The following CAV1 variants were observed in gnomAD, a reference collection of about 807,000 sequenced individuals.
CAV1 encodes the protein caveolin-1.
A neutral mutation model predicts 16.5 loss-of-function variants in CAV1; 10 were observed. The observed-to-expected ratio is 0.61, with a 90% confidence interval of 0.37 to 1.03. The LOEUF (loss-of-function observed/expected upper bound fraction) is 1.03, where lower values mean the gene tolerates loss of function less well. Among genes scored for constraint, CAV1 ranks in the 50% least tolerant of loss-of-function variants. The probability of loss-of-function intolerance (pLI) is 0.01; values close to 1 mark genes in which losing one functional copy is unlikely to be tolerated. For missense variants in CAV1, 212 were observed against 232.8 expected, an observed-to-expected ratio of 0.91 and a Z score of 0.58; for synonymous variants, 76 against 85.1, an observed-to-expected ratio of 0.89 and a Z score of 0.59.
chr7:116,534,262 C>T (rs1167112652), intron 2 of CAV1, among the ~76,000 whole-genome samples: 1 of 147,636 alleles, frequency 6.8e-6, no homozygotes, highest in Non-Finnish European at 1.5e-5. Flanking sequence ...TTTTTAAAAC[C>T]CCATAGCCTC....
intron 2 of CAV1, among the ~76,000 whole-genome samples, chr7:116,542,475 C>T (rs1173319015): frequency 2.0e-5 from 3 of 152,134 alleles, no homozygotes; most frequent in African/African-American, 7.2e-5. Flanking sequence ...TTTAGACTCT[C>T]AGAATTTCTT....
intron 2 of CAV1, among the ~76,000 whole-genome samples, chr7:116,540,683 A>G (rs965897729): frequency 3.9e-5 from 6 of 152,242 alleles, no homozygotes; most frequent in Admixed American, 3.9e-4. Context: ...TGTGATGAAA[A>G]TAATAGCAAA....
At chr7:116,536,858 C>G (rs964616721) in intron 2 of CAV1, among the ~76,000 whole-genome samples, 5 of 151,550 alleles carry the variant, frequency 3.3e-5, no homozygotes, top group Non-Finnish European at 7.4e-5. Flanking sequence ...AAAAAATTAG[C>G]CGGGCGCGGT....
intron 2 of CAV1, among the ~76,000 whole-genome samples, chr7:116,547,470 T>G (rs1005125553): frequency 2.0e-5 from 3 of 152,276 alleles, no homozygotes; most frequent in Middle Eastern, 3.4e-3. Context: ...ATATGGAATG[T>G]TGGTGCAACT....
intron 1 of CAV1, chr7:116,525,485 T>G: frequency 3.9e-6 from 5 of 1,277,436 alleles, no homozygotes; most frequent in East Asian, 4.3e-5. Context: ...AGGTGTTATT[T>G]ACCCGAGTCC....
At chr7:116,530,089 T>C (rs899469368) in intron 2 of CAV1, among the ~76,000 whole-genome samples, 4 of 152,120 alleles carry the variant, frequency 2.6e-5, no homozygotes, top group African/African-American at 9.7e-5. Context: ...ATCCTAGCAA[T>C]CACAAAGATT....
At chr7:116,537,969 G>A (rs1163107688) in intron 2 of CAV1, among the ~76,000 whole-genome samples, 3 of 152,154 alleles carry the variant, frequency 2.0e-5, no homozygotes, top group Non-Finnish European at 4.4e-5. Flanking sequence ...AGGTAGAATC[G>A]CTTAAGTCTT....
At chr7:116,550,579 A>G (rs1476633840) in intron 2 of CAV1, among the ~76,000 whole-genome samples, 3 of 152,102 alleles carry the variant, frequency 2.0e-5, no homozygotes, top group South Asian at 4.1e-4. Flanking sequence ...GGTAACATTT[A>G]ATTGTGCTAT....
At chr7:116,536,266 A>G (rs1793811540) in intron 2 of CAV1, among the ~76,000 whole-genome samples, 1 of 151,764 alleles carries the variant, frequency 6.6e-6, no homozygotes, top group Non-Finnish European at 1.5e-5. Flanking sequence ...CTCATATCCC[A>G]GCTCCACAAC....
At chr7:116,532,492 A>G (rs1164081944) in intron 2 of CAV1, among the ~76,000 whole-genome samples, 2 of 152,198 alleles carry the variant, frequency 1.3e-5, no homozygotes, top group Non-Finnish European at 2.9e-5. Context: ...TGCTGTCTTT[A>G]TACAAAGATG....
intron 2 of CAV1, among the ~76,000 whole-genome samples, chr7:116,531,218 G>A (rs1231968726): frequency 6.6e-6 from 1 of 152,200 alleles, no homozygotes; most frequent in Non-Finnish European, 1.5e-5. Context: ...AAGATTATGT[G>A]ATTCACCATG....
chr7:116,549,282 C>G (rs1392043562), intron 2 of CAV1, among the ~76,000 whole-genome samples: 1 of 152,154 alleles, frequency 6.6e-6, no homozygotes, highest in African/African-American at 2.4e-5. Context: ...GTGTCCACCA[C>G]TTTGGGGCCA....
intron 2 of CAV1, among the ~76,000 whole-genome samples, chr7:116,552,901 C>T (rs1254265836): frequency 6.6e-6 from 1 of 152,144 alleles, no homozygotes; most frequent in African/African-American, 2.4e-5. Flanking sequence ...TTACCATTAC[C>T]CGAATCCATC....
At chr7:116,535,659 G>C (rs1294608260) in intron 2 of CAV1, among the ~76,000 whole-genome samples, 1 of 152,186 alleles carries the variant, frequency 6.6e-6, no homozygotes, top group Non-Finnish European at 1.5e-5. Context: ...AAGGGAATTA[G>C]TTGGTAGAAC....
intron 2 of CAV1, among the ~76,000 whole-genome samples, chr7:116,556,824 C>G (rs1794303916): frequency 6.6e-6 from 1 of 152,100 alleles, no homozygotes; most frequent in Admixed American, 6.6e-5. Context: ...CATGGATGAC[C>G]ATTGCCCATC....
intron 2 of CAV1, among the ~76,000 whole-genome samples, chr7:116,533,348 TAAATAAAATAAAATAAAATAA>T (rs1480481209): frequency 0.013 from 1,820 of 137,686 alleles, 38 homozygotes; most frequent in African/African-American, 0.023. Context: ...AAAAATAAAA[TAAATAAAATAAAATAAAATAA>T]AATAAAATAA....
intron 2 of CAV1, among the ~76,000 whole-genome samples, chr7:116,534,192 T>C (rs1321773269): frequency 1.3e-5 from 2 of 151,294 alleles, no homozygotes; most frequent in Non-Finnish European, 2.9e-5. Flanking sequence ...AACTCCAGCC[T>C]GGGCGACAGA....
Position 116,555,542 on chromosome 7 carries a change from GAGAAAGAAAGAA to G in CAV1, c.196-3352_196-3341del, listed in dbSNP as rs1225761657. On this transcript the variant is annotated intron_variant, in intron 2 of 2. Transcript: ENST00000341049. ...AAAGAGAGAGAGAGAGAGAGAGAGA[GAGAAAGAAAGAA>G]AGAAAGAAAGAAAGAAAGAAAGAAA... Among the ~76,000 whole-genome samples the G allele has an allele frequency of 4.7e-3, 57 of 12,138 alleles. 2 individuals are homozygous for G. The highest frequency in any genetic ancestry group is 6.1e-3 in the African/African-American group (26 of 4,278). 8.0% of individuals were successfully genotyped at this position (12,138 alleles called of 152,430 possible).
At chr7:116,545,457 C>T (rs753425766) in intron 2 of CAV1, among the ~76,000 whole-genome samples, 3 of 152,152 alleles carry the variant, frequency 2.0e-5, no homozygotes, top group Non-Finnish European at 4.4e-5. Context: ...TTGCAAGAAC[C>T]CTAGTGTGTA....
Sources: gnomAD v4.1 joint callset for allele counts (sites outside exome capture counted in the v4.1 genomes callset) on GRCh38, gnomAD v4.1.1 for gene constraint, MANE v1.5 for transcripts, NCBI Gene and HGNC (gene_info 2026-07-23, HGNC 2026-07-21) for gene names.